UNC5D: variants seen among roughly 807,000 people sequenced by gnomAD.
UNC5D encodes netrin receptor UNC5D.
A neutral mutation model predicts 105.4 loss-of-function variants in UNC5D; 39 were observed. That is an observed-to-expected ratio of 0.37 (90% CI 0.29 to 0.48). The LOEUF is 0.48. UNC5D is among the 20% of genes least tolerant of loss of function. The pLI, the probability that UNC5D is intolerant of heterozygous loss-of-function variation, is 0.98. For missense variants in UNC5D, 991 were observed against 1,202.4 expected, an observed-to-expected ratio of 0.82 and a Z score of 2.60; for synonymous variants, 452 against 450.4, an observed-to-expected ratio of 1.00 and a Z score of -0.04.
intron 4 of UNC5D, among the ~76,000 whole-genome samples, chr8:35,625,153 A>C (rs1207983728): frequency 6.6e-6 from 1 of 152,230 alleles, no homozygotes; most frequent in Admixed American, 6.5e-5. Flanking sequence ...TTTATTCACA[A>C]ACATAAACTT....
intron 1 of UNC5D, among the ~76,000 whole-genome samples, chr8:35,318,747 G>T (rs1311811702): frequency 3.9e-5 from 6 of 151,932 alleles, no homozygotes; most frequent in Non-Finnish European, 8.8e-5. Flanking sequence ...AAAACAGCCT[G>T]AACACAACTA....
intron 11 of UNC5D, among the ~76,000 whole-genome samples, chr8:35,737,283 TG>T (rs1222885450): frequency 2.5e-4 from 38 of 149,750 alleles, no homozygotes; most frequent in Middle Eastern, 3.4e-3. Context: ...TGTGTGTGTG[TG>T]TGTGTGTGTG....
At chr8:35,646,315 A>G (rs960133410) in intron 4 of UNC5D, among the ~76,000 whole-genome samples, 3 of 152,106 alleles carry the variant, frequency 2.0e-5, no homozygotes, top group Non-Finnish European at 4.4e-5. Flanking sequence ...CTGAGATGGC[A>G]GAAATTGTTT....
At chr8:35,237,664 A>G (rs1802556914) in intron 1 of UNC5D, among the ~76,000 whole-genome samples, 2 of 152,210 alleles carry the variant, frequency 1.3e-5, no homozygotes, top group African/African-American at 4.8e-5. Context: ...TACATTCTGC[A>G]GGCTTATTTA....
chr8:35,533,721 C>T (rs749905613), intron 1 of UNC5D, among the ~76,000 whole-genome samples: 8 of 152,322 alleles, frequency 5.3e-5, no homozygotes, highest in African/African-American at 1.4e-4. Flanking sequence ...TAGGACCCTC[C>T]GAGCCAGGTG....
intron 4 of UNC5D, among the ~76,000 whole-genome samples, chr8:35,683,131 A>T (rs935810870): frequency 2.6e-5 from 4 of 152,238 alleles, no homozygotes; most frequent in African/African-American, 9.6e-5. Flanking sequence ...CTAATAATAT[A>T]ATATCCTCTC....
chr8:35,669,953 G>T (rs1268923363), intron 4 of UNC5D, among the ~76,000 whole-genome samples: 1 of 152,116 alleles, frequency 6.6e-6, no homozygotes, highest in Admixed American at 6.5e-5. Context: ...ATGTCAATCT[G>T]GGAATGTTCA....
intron 1 of UNC5D, among the ~76,000 whole-genome samples, chr8:35,310,093 C>G (rs978771684): frequency 6.6e-6 from 1 of 152,124 alleles, no homozygotes; most frequent in African/African-American, 2.4e-5. Flanking sequence ...ACACATTATT[C>G]AAATACCCTT....
chr8:35,784,373 A>ACCCTTTG (rs1802644010), intron 16 of UNC5D, among the ~76,000 whole-genome samples: 1 of 152,142 alleles, frequency 6.6e-6, no homozygotes, highest in Admixed American at 6.6e-5. Flanking sequence ...CCAAAGGAAA[A>ACCCTTTG]GATAAAGTTA....
At chr8:35,263,326 C>G (rs770499872) in intron 1 of UNC5D, among the ~76,000 whole-genome samples, 1 of 152,116 alleles carries the variant, frequency 6.6e-6, no homozygotes, top group Non-Finnish European at 1.5e-5. Flanking sequence ...TGTCCATTTG[C>G]GCTAAATTTT....
chr8:35,375,230 G>C (rs1802631555), intron 1 of UNC5D, among the ~76,000 whole-genome samples: 1 of 152,178 alleles, frequency 6.6e-6, no homozygotes, highest in African/African-American at 2.4e-5. Context: ...TTCTCTCTGT[G>C]TAAGACTCTG....
At chr8:35,543,549 T>C (rs1274984587) in intron 1 of UNC5D, among the ~76,000 whole-genome samples, 4 of 152,246 alleles carry the variant, frequency 2.6e-5, no homozygotes, top group Non-Finnish European at 4.4e-5. Context: ...CACGTCCTTA[T>C]ATTTTAATTG....
intron 1 of UNC5D, among the ~76,000 whole-genome samples, chr8:35,510,733 A>T (rs1812647581): frequency 6.6e-6 from 1 of 152,132 alleles, no homozygotes; most frequent in Non-Finnish European, 1.5e-5. Flanking sequence ...TGATTTTCTA[A>T]GGAGGAAGCT....
intron 1 of UNC5D, among the ~76,000 whole-genome samples, chr8:35,506,216 T>C (rs571627568): frequency 6.2e-4 from 95 of 152,322 alleles, no homozygotes; most frequent in Admixed American, 5.6e-3. Context: ...GCTTCACTCA[T>C]GGAGGCAAGA....
intron 1 of UNC5D, among the ~76,000 whole-genome samples, chr8:35,331,071 C>T (rs992617881): frequency 5.3e-5 from 8 of 151,866 alleles, no homozygotes; most frequent in African/African-American, 1.9e-4. Flanking sequence ...TTTTGGAAAA[C>T]TGTTATCCAA....
chr8:35,541,389 C>CA (rs1815263972), intron 1 of UNC5D, among the ~76,000 whole-genome samples: 1 of 152,180 alleles, frequency 6.6e-6, no homozygotes, highest in Non-Finnish European at 1.5e-5. Flanking sequence ...AATAAAATCT[C>CA]AAACTCTTTA....
intron 10 of UNC5D, among the ~76,000 whole-genome samples, chr8:35,728,119 A>G (rs1828988616): frequency 6.9e-6 from 1 of 145,522 alleles, no homozygotes; most frequent in South Asian, 2.1e-4. Flanking sequence ...TATGCCATAA[A>G]AACAAAAATA....
chr8:35,344,845 A>C (rs1253953607), intron 1 of UNC5D, among the ~76,000 whole-genome samples: 3 of 152,066 alleles, frequency 2.0e-5, no homozygotes, highest in Non-Finnish European at 1.5e-5. Context: ...TAGATACAAA[A>C]TTCCTTTAAG....
At chr8:35,459,898 C>T (rs1339611478) in intron 1 of UNC5D, among the ~76,000 whole-genome samples, 1 of 152,092 alleles carries the variant, frequency 6.6e-6, no homozygotes, top group Non-Finnish European at 1.5e-5. Flanking sequence ...GAACATGGCT[C>T]ATTAGGTATT....
Sources: gnomAD v4.1 joint callset for allele counts (sites outside exome capture counted in the v4.1 genomes callset) on GRCh38, gnomAD v4.1.1 for gene constraint, MANE v1.5 for transcripts, NCBI Gene and HGNC (gene_info 2026-07-23, HGNC 2026-07-21) for gene names.